Variants in NEXN observed in about 807,000 individuals in gnomAD.
NEXN encodes nexilin F-actin binding protein.
Under a neutral mutation model 92.6 loss-of-function variants are expected in NEXN, and 65 were observed. That is an observed-to-expected ratio of 0.70 (90% CI 0.57 to 0.86). The LOEUF is 0.86. Ranked by LOEUF, NEXN falls within the 40% of genes least tolerant of loss-of-function variation. The pLI, the probability that NEXN is intolerant of heterozygous loss-of-function variation, is 0.00. For synonymous variants in NEXN, 254 were observed against 242.5 expected, an observed-to-expected ratio of 1.05 and a Z score of -0.44; for missense variants, 778 against 771.1, an observed-to-expected ratio of 1.01 and a Z score of -0.11.
Position 77,936,195 on chromosome 1 carries a change from A to C in NEXN, c.1473+151A>C, listed in dbSNP as rs997819296. On this transcript the variant is annotated intron_variant, in intron 11 of 12. Transcript: ENST00000334785. Reference sequence around the variant, plus strand: ...GAAGTAAATAGCAAAACACATGTAGATCTTAGACTTTGAAAGACTAGCATT... The same window carrying C: ...GAAGTAAATAGCAAAACACATGTAGCTCTTAGACTTTGAAAGACTAGCATT... 1.3e-5 allele frequency: 8 copies of C among 635,588 alleles called. No homozygotes were observed. In the African/African-American group the frequency reaches 1.5e-4, roughly 12 times the overall value. 39.4% of individuals were successfully genotyped at this position (635,588 alleles called of 1,614,324 possible).
chr1:77,899,824 T>C (rs1265001708), intron 1 of NEXN, among the ~76,000 whole-genome samples: 1 of 152,146 alleles, frequency 6.6e-6, no homozygotes, highest in African/African-American at 2.4e-5. Flanking sequence ...AGTCACCATG[T>C]CCTGTCAATT....
At chr1:77,919,926 G>A (rs1354827737) in intron 5 of NEXN, among the ~76,000 whole-genome samples, 1 of 148,078 alleles carries the variant, frequency 6.8e-6, no homozygotes, top group Non-Finnish European at 1.5e-5. Flanking sequence ...TTGAGACGGA[G>A]TCTCGCTCTG....
At chr1:77,934,545 AC>A (rs1650591640) in intron 10 of NEXN, among the ~76,000 whole-genome samples, 3 of 152,258 alleles carry the variant, frequency 2.0e-5, no homozygotes, top group Non-Finnish European at 4.4e-5. Flanking sequence ...GCTTTTGCTC[AC>A]TAAAGCTTTA....
chr1:77,922,870 C>G (rs1649542258), intron 5 of NEXN, among the ~76,000 whole-genome samples: 1 of 152,110 alleles, frequency 6.6e-6, no homozygotes, highest in African/African-American at 2.4e-5. Flanking sequence ...GCTGGGATTA[C>G]AGGCGTGAGC....
intron 5 of NEXN, among the ~76,000 whole-genome samples, chr1:77,919,890 G>A (rs1399714836): frequency 1.3e-5 from 2 of 150,338 alleles, no homozygotes; most frequent in South Asian, 2.1e-4. Flanking sequence ...GTGAGTCACC[G>A]CACTGGCCTC....
chr1:77,936,068 T>G lies in NEXN; in HGVS notation c.1473+24T>G, dbSNP rs939527299. On this transcript the variant is annotated intron_variant, in intron 11 of 12. Transcript: ENST00000334785. ...AGGTATATTACCTTTATATTTAACA[T>G]AGTTATGGTACAGTAATGATAATAA... 7 of 1,478,132 alleles carry G rather than the reference T, an allele frequency of 4.7e-6. No individual in the cohort carries two copies. The African/African-American group carries it at 8.3e-5, about 18-fold the overall frequency. 91.6% of individuals were successfully genotyped at this position (1,478,132 alleles called of 1,614,324 possible).
In NEXN at chr1:77,942,674, G is replaced by A. The variant is rs1651479537; in HGVS notation, c.1873G>A (p.Gly625Arg). ...GTTTGAAGGAGAAATACTGCAGGAT[G>A]GAGAAGACTATCAATATATTGAAAG... The part of the protein sequence containing the change: ...WWFEGEILQD[G>R]EDYQYIERGE... Residue 625 changes from glycine (G) to arginine (R), a missense_variant, in exon 13 of 13, where the codon GGA (glycine) becomes AGA (arginine). By Grantham distance (125) the Gly-to-Arg change is moderately radical. This residue lies in a region of NEXN where 532 missense variants were observed against 476.7 expected (regional missense o/e 1.12). Transcript: ENST00000334785. The A allele has an allele frequency of 6.2e-7, 1 of 1,613,674 alleles. No homozygotes were observed. Among genetic ancestry groups the A allele is most frequent in the Admixed American group, 1.7e-5 (1 of 59,994 alleles).
intron 1 of NEXN, among the ~76,000 whole-genome samples, chr1:77,891,862 G>GA (rs1449251624): frequency 6.6e-6 from 1 of 151,700 alleles, no homozygotes; most frequent in Non-Finnish European, 1.5e-5. Context: ...AGGATCCCTT[G>GA]AGCCCAGGAG....
intron 5 of NEXN, among the ~76,000 whole-genome samples, chr1:77,920,002 C>T (rs1016045098): frequency 6.6e-6 from 1 of 151,790 alleles, no homozygotes; most frequent in Admixed American, 6.6e-5. Flanking sequence ...CGGATTCAAG[C>T]GATTATCCTG....
chr1:77,929,614 G>A, intron 9 of NEXN, 110 bp downstream of exon 9: 14 of 1,415,088 alleles, frequency 9.9e-6, no homozygotes, highest in Non-Finnish European at 1.4e-5. Flanking sequence ...ACTGTGCCAA[G>A]AGTAGAAATG....
Position 77,933,325 on chromosome 1 carries a change from A to C in NEXN, c.1097A>C (p.Gln366Pro). Reference sequence around the variant, plus strand: ...CCAGAGATGTATAAGACAATCTCTCAAGAATTTCTTACACCGGGAAAACTG... The same window carrying C: ...CCAGAGATGTATAAGACAATCTCTCCAGAATTTCTTACACCGGGAAAACTG... ...DSPEMYKTIS[Q>P]EFLTPGKLEI... Residue 366 changes from glutamine (Q) to proline (P), a missense_variant, in exon 10 of 13, where the codon CAA becomes CCA. This residue lies in a region of NEXN where 532 missense variants were observed against 476.7 expected (regional missense o/e 1.12). Coordinates refer to ENST00000334785, the MANE Select transcript of NEXN (RefSeq NM_144573.4). 1 of 1,609,522 alleles carries C rather than the reference A, an allele frequency of 6.2e-7. No homozygotes were observed. Among genetic ancestry groups the C allele is most frequent in the Non-Finnish European group, 8.5e-7 (1 of 1,176,894 alleles).
intron 1 of NEXN, among the ~76,000 whole-genome samples, chr1:77,896,522 C>T (rs956980871): frequency 1.3e-5 from 2 of 152,078 alleles, no homozygotes; most frequent in African/African-American, 4.8e-5. Flanking sequence ...AATCCCAGCA[C>T]TTTGGGAGCC....
At chr1:77,912,225 T>C (rs1159180790) in intron 1 of NEXN, among the ~76,000 whole-genome samples, 2 of 152,118 alleles carry the variant, frequency 1.3e-5, no homozygotes, top group African/African-American at 4.8e-5. Context: ...TATGAAATTA[T>C]TTAGGGATAA....
At chr1:77,914,119 G>C (rs1161765883) in intron 1 of NEXN, among the ~76,000 whole-genome samples, 1 of 152,134 alleles carries the variant, frequency 6.6e-6, no homozygotes, top group Non-Finnish European at 1.5e-5. Context: ...AGGACTTTTA[G>C]GTCAGTGAAA....
Position 77,897,172 on chromosome 1 carries a change from A to G in NEXN, c.-53+8413A>G, listed in dbSNP as rs1224255186. On this transcript the variant is annotated intron_variant, in intron 1 of 12. Transcript: ENST00000334785. The stretch of plus-strand genomic sequence containing the variant: ...TAACTCATTTTATGAGGCCAGCATC[A>G]TCCTGATACCAAAGCCTGGCAGAGA... Among the ~76,000 whole-genome samples, 4 of 152,360 alleles carry G rather than the reference A, an allele frequency of 2.6e-5. No homozygotes were observed. In the East Asian group the frequency reaches 5.8e-4, roughly 22 times the overall value.
chr1:77,896,999 G>C (rs1484718703), intron 1 of NEXN, among the ~76,000 whole-genome samples: 3 of 152,192 alleles, frequency 2.0e-5, no homozygotes, highest in African/African-American at 7.2e-5. Context: ...AACAGGCTCT[G>C]AAGTTGTGGC....
At chr1:77,942,271 T>C in intron 12 of NEXN, 63 bp downstream of exon 12, 2 of 1,527,948 alleles carry the variant, frequency 1.3e-6, no homozygotes, top group Non-Finnish European at 9.0e-7. Context: ...AGTTTTATAA[T>C]TAGGTAGGTT....
At chr1:77,890,419 TC>T (rs1002222442) in intron 1 of NEXN, among the ~76,000 whole-genome samples, 2 of 152,212 alleles carry the variant, frequency 1.3e-5, no homozygotes, top group African/African-American at 4.8e-5. Flanking sequence ...TAGCAATTGT[TC>T]CTGCTCACCT....
chr1:77,905,273 A>G (rs1046343023), intron 1 of NEXN, among the ~76,000 whole-genome samples: 1 of 152,150 alleles, frequency 6.6e-6, no homozygotes, highest in Middle Eastern at 3.2e-3. Flanking sequence ...AAAAAAATTA[A>G]TATAAGTGGC....
Sources: gnomAD v4.1 joint callset for allele counts (sites outside exome capture counted in the v4.1 genomes callset) on GRCh38, gnomAD v4.1.1 for gene constraint, gnomAD v4.1.1 regional missense constraint, MANE v1.5 for transcripts, NCBI Gene and HGNC (gene_info 2026-07-23, HGNC 2026-07-21) for gene names.